Variants in CDK19 observed in about 807,000 individuals in gnomAD.
The protein encoded by CDK19 is cyclin dependent kinase 19.
Under a neutral mutation model 68.3 loss-of-function variants are expected in CDK19, and 20 were observed. The ratio of observed to expected loss-of-function variants is 0.29; its 90% CI spans 0.21 to 0.43. The LOEUF (loss-of-function observed/expected upper bound fraction) is 0.43, where lower values mean the gene tolerates loss of function less well. CDK19 is among the 20% of genes least tolerant of loss of function. The probability of loss-of-function intolerance (pLI) is 1.00; values close to 1 mark genes in which losing one functional copy is unlikely to be tolerated. For missense variants in CDK19, 339 were observed against 623.5 expected (o/e 0.54, Z 4.86); for synonymous variants, 221 against 222.8 (o/e 0.99, Z 0.07).
intron 4 of CDK19, among the ~76,000 whole-genome samples, chr6:110,652,683 T>C (rs1193036422): frequency 1.3e-5 from 2 of 152,208 alleles, no homozygotes; most frequent in Non-Finnish European, 2.9e-5. Context: ...CACTCAGCTA[T>C]CTCTTGATAG....
intron 2 of CDK19, among the ~76,000 whole-genome samples, chr6:110,678,734 A>AG (rs564238111): frequency 1.3e-5 from 2 of 152,222 alleles, no homozygotes; most frequent in African/African-American, 4.8e-5. Flanking sequence ...ATGCATTGTT[A>AG]GGGGCACATC....
At chr6:110,640,231 CAAAAAA>C (rs59703376) in intron 4 of CDK19, among the ~76,000 whole-genome samples, 4 of 80,712 alleles carry the variant, frequency 5.0e-5, no homozygotes, top group Non-Finnish European at 9.4e-5. Context: ...GACCCTGTCA[CAAAAAA>C]AAAAAAAAAA....
At chr6:110,623,089 C>A (rs968713373) in intron 9 of CDK19, among the ~76,000 whole-genome samples, 177 bp from the exon 10 acceptor site, 2 of 152,132 alleles carry the variant, frequency 1.3e-5, no homozygotes, top group African/African-American at 4.8e-5. Context: ...AGCATTAAAG[C>A]CCTTATAAAG....
intron 1 of CDK19, among the ~76,000 whole-genome samples, chr6:110,750,362 TAA>T (rs1441366249): frequency 1.4e-4 from 15 of 108,684 alleles, no homozygotes; most frequent in Non-Finnish European, 2.1e-4. Flanking sequence ...GAGGCAGAGC[TAA>T]GACCAGCTCT....
At chr6:110,802,281 T>C (rs1350403090) in intron 1 of CDK19, among the ~76,000 whole-genome samples, 3 of 152,224 alleles carry the variant, frequency 2.0e-5, no homozygotes, top group Non-Finnish European at 4.4e-5. Flanking sequence ...GGAATCCTCC[T>C]GGGTGTCTAT....
intron 1 of CDK19, among the ~76,000 whole-genome samples, chr6:110,805,454 A>T (rs1782617209): frequency 6.6e-6 from 1 of 152,148 alleles, no homozygotes; most frequent in African/African-American, 2.4e-5. Flanking sequence ...TTGTCATCTA[A>T]CCCTGCACTA....
intron 1 of CDK19, chr6:110,813,915 A>C (rs1783334538): frequency 6.6e-6 from 1 of 152,234 alleles, no homozygotes; most frequent in African/African-American, 2.4e-5. Context: ...CTCTCTTTAA[A>C]GTCTATGCTG....
At chr6:110,773,230 A>G (rs1780164998) in intron 1 of CDK19, among the ~76,000 whole-genome samples, 1 of 151,952 alleles carries the variant, frequency 6.6e-6, no homozygotes, top group South Asian at 2.1e-4. Flanking sequence ...CTGTAGTTCC[A>G]GCTACTTGGG....
At chr6:110,727,495 G>T (rs1776397291) in intron 2 of CDK19, among the ~76,000 whole-genome samples, 1 of 152,070 alleles carries the variant, frequency 6.6e-6, no homozygotes, top group Admixed American at 6.6e-5. Flanking sequence ...AGCATATAAG[G>T]TTCATGATGG....
At chr6:110,754,753 T>C (rs1429457064) in intron 1 of CDK19, among the ~76,000 whole-genome samples, 1 of 152,228 alleles carries the variant, frequency 6.6e-6, no homozygotes, top group Non-Finnish European at 1.5e-5. Context: ...GTGCTGGGAT[T>C]ACAGGCGTCA....
In CDK19 at chr6:110,789,868, C is replaced by T. The variant is rs186826976; in HGVS notation, c.128+25141G>A. Among the ~76,000 whole-genome samples the T allele has an allele frequency of 2.6e-4, 39 of 151,940 alleles. No homozygotes were observed. In the East Asian group the frequency reaches 6.8e-3, roughly 26 times the overall value. ...ATGCAATTCATTTACCAATTTATTC[C>T]AATTGTTGCAAATCTCCAAAAAATT... is the stretch of plus-strand genomic sequence containing the variant. On this transcript the variant is annotated intron_variant, in intron 1 of 12. Transcript: ENST00000368911.
intron 1 of CDK19, among the ~76,000 whole-genome samples, chr6:110,771,786 G>A (rs370690724): frequency 1.8e-4 from 27 of 152,054 alleles, no homozygotes; most frequent in Admixed American, 3.9e-4. Flanking sequence ...AATTTCTTCC[G>A]CCAGATATCC....
chr6:110,644,152 C>A (rs1780386447), intron 4 of CDK19, among the ~76,000 whole-genome samples: 1 of 151,940 alleles, frequency 6.6e-6, no homozygotes. Context: ...ATTAGCCGGG[C>A]ATGATGGCCC....
At position 110,667,025 on chromosome 6, in the gene CDK19, G is replaced by A. The variant is rs141799076; in HGVS notation, c.456+409C>T. 1.0e-3 allele frequency among the ~76,000 whole-genome samples: 158 copies of A among 151,920 alleles called. No individual in the cohort carries two copies. The East Asian group carries it at 0.025, about 24-fold the overall frequency. Reference sequence around the variant, plus strand: ...AATATTGATAACATTCTTTTTACTAGATGCAATGTCATTATTTCAGTTTAG... The same window carrying A: ...AATATTGATAACATTCTTTTTACTAAATGCAATGTCATTATTTCAGTTTAG... On this transcript the variant is annotated intron_variant, in intron 4 of 12. Transcript: ENST00000368911.
At chr6:110,760,264 C>T (rs1779139828) in intron 1 of CDK19, among the ~76,000 whole-genome samples, 1 of 151,776 alleles carries the variant, frequency 6.6e-6, no homozygotes. Flanking sequence ...GGCATGGTGG[C>T]ACGTGCCTTA....
intron 2 of CDK19, among the ~76,000 whole-genome samples, chr6:110,676,925 T>A (rs1771582012): frequency 6.6e-6 from 1 of 152,190 alleles, no homozygotes; most frequent in South Asian, 2.1e-4. Flanking sequence ...GTAAAGTTTA[T>A]AACTACATGC....
intron 8 of CDK19, among the ~76,000 whole-genome samples, chr6:110,623,853 T>C (rs1356971668): frequency 2.7e-5 from 4 of 145,526 alleles, no homozygotes; most frequent in Non-Finnish European, 4.5e-5. Flanking sequence ...CATATATACA[T>C]ATATATACAT....
At chr6:110,654,381 T>TA (rs1368024431) in intron 4 of CDK19, among the ~76,000 whole-genome samples, 1 of 152,206 alleles carries the variant, frequency 6.6e-6, no homozygotes, top group Non-Finnish European at 1.5e-5. Flanking sequence ...GCTTACCCCT[T>TA]AAAACAACTT....
chr6:110,748,429 C>G (rs1210269120), intron 1 of CDK19, among the ~76,000 whole-genome samples: 1 of 152,172 alleles, frequency 6.6e-6, no homozygotes, highest in African/African-American at 2.4e-5. Flanking sequence ...TTAAATATAA[C>G]TTCCACCTGC....
Sources: allele counts gnomAD v4.1 joint callset (sites outside exome capture counted in the v4.1 genomes callset), GRCh38; gene constraint gnomAD v4.1.1; transcripts MANE v1.5; gene names NCBI Gene and HGNC (gene_info 2026-07-23, HGNC 2026-07-21).